Variants in CPNE4 observed in about 807,000 individuals in gnomAD.
CPNE4 encodes copine-4.
In CPNE4, 25 loss-of-function variants were observed where a neutral mutation model predicts 67.9. That is an observed-to-expected ratio of 0.37 (90% CI 0.27 to 0.51). The LOEUF (loss-of-function observed/expected upper bound fraction) is 0.51. CPNE4 is among the 20% of genes least tolerant of loss of function. The pLI is 0.93. For missense variants in CPNE4, 464 were observed against 690.8 expected (o/e 0.67, Z 3.68); for synonymous variants, 242 against 244.9 (o/e 0.99, Z 0.11).
At chr3:131,659,581 T>G (rs2080071160) in intron 7 of CPNE4, among the ~76,000 whole-genome samples, 2 of 152,248 alleles carry the variant, frequency 1.3e-5, no homozygotes, top group South Asian at 4.2e-4. Flanking sequence ...TTGCAAAGTG[T>G]TTTCCAAAGA....
At chr3:131,890,626 T>C (rs141413507) in intron 2 of CPNE4, among the ~76,000 whole-genome samples, 2 of 152,194 alleles carry the variant, frequency 1.3e-5, no homozygotes, top group East Asian at 3.9e-4. Context: ...ATCAGGCTCT[T>C]GAAGAAATAC....
At chr3:131,807,377 T>A (rs1010486005) in intron 2 of CPNE4, among the ~76,000 whole-genome samples, 2 of 152,218 alleles carry the variant, frequency 1.3e-5, no homozygotes, top group African/African-American at 4.8e-5. Context: ...TTATACTTTT[T>A]AAAAAACATT....
chr3:131,560,099 TG>T (rs1936682849), intron 11 of CPNE4, among the ~76,000 whole-genome samples: 1 of 152,060 alleles, frequency 6.6e-6, no homozygotes, highest in Non-Finnish European at 1.5e-5. Flanking sequence ...AGATCATTTT[TG>T]AAACATAAAT....
rs117081931 is a variant in CPNE4 at position 131,694,471 on chromosome 3, C to T, written c.507+2071G>A. On this transcript the variant is annotated intron_variant, in intron 5 of 15. Coordinates refer to ENST00000429747, the MANE Select transcript of CPNE4 (RefSeq NM_130808.3). ...AGTTCATAGTCCACATGCTTTTTCT[C>T]CAGTATGATTTTGCCACTGCCCTAA... 2.2e-4 allele frequency among the ~76,000 whole-genome samples: 33 copies of T among 152,174 alleles called. No individual in the cohort carries two copies. In the East Asian group the frequency reaches 6.0e-3, roughly 28 times the overall value.
intron 2 of CPNE4, among the ~76,000 whole-genome samples, chr3:131,803,159 A>T (rs1345554885): frequency 6.6e-6 from 1 of 152,234 alleles, no homozygotes; most frequent in Non-Finnish European, 1.5e-5. Context: ...ACCATTAGCC[A>T]GGTGGATAAC....
rs940678606 is a variant in CPNE4, at chr3:131,977,560, G to A, written c.-2+57007C>T. Among the ~76,000 whole-genome samples, 15 of 151,798 alleles carry A rather than the reference G, an allele frequency of 9.9e-5. No homozygotes were observed. In the South Asian group the frequency reaches 1.9e-3, roughly 19 times the overall value. On this transcript the variant is annotated intron_variant, in intron 1 of 15. Coordinates refer to ENST00000429747, the MANE Select transcript of CPNE4 (RefSeq NM_130808.3). ...CCATACCATGCAAACACACACACAC[G>A]CACATACATATACACCCAAACACAA... is the stretch of plus-strand genomic sequence containing the variant.
intron 1 of CPNE4, among the ~76,000 whole-genome samples, chr3:132,027,974 G>T (rs2074151191): frequency 6.6e-6 from 1 of 151,996 alleles, no homozygotes; most frequent in Non-Finnish European, 1.5e-5. Flanking sequence ...AATGGTAAAG[G>T]TTCTTGGTTA....
chr3:131,893,399 C>T (rs1334403569), intron 2 of CPNE4, among the ~76,000 whole-genome samples: 1 of 151,954 alleles, frequency 6.6e-6, no homozygotes, highest in African/African-American at 2.4e-5. Flanking sequence ...ACCCAACTTT[C>T]AATAATGTAC....
At chr3:131,979,438 T>C (rs1292856859) in intron 1 of CPNE4, among the ~76,000 whole-genome samples, 1 of 152,162 alleles carries the variant, frequency 6.6e-6, no homozygotes. Flanking sequence ...TTATGTAATG[T>C]CCCTCTTCAT....
chr3:131,814,761 C>T (rs1462676710), intron 2 of CPNE4, among the ~76,000 whole-genome samples: 3 of 144,584 alleles, frequency 2.1e-5, no homozygotes, highest in Non-Finnish European at 4.5e-5. Flanking sequence ...CCCGCCACTA[C>T]GCCCGGCTAA....
intron 3 of CPNE4, among the ~76,000 whole-genome samples, chr3:131,713,466 T>C (rs893023678): frequency 6.6e-6 from 1 of 151,556 alleles, no homozygotes; most frequent in Admixed American, 6.6e-5. Context: ...TGAAAAGAAA[T>C]GAGAATGTGT....
At chr3:131,536,032 A>G (rs141605422) in intron 15 of CPNE4, among the ~76,000 whole-genome samples, 233 of 152,270 alleles carry the variant, frequency 1.5e-3, no homozygotes, top group African/African-American at 5.3e-3. Context: ...GGGGAATGGC[A>G]TTTGACCATC....
At chr3:131,871,178 A>G (rs929609992) in intron 2 of CPNE4, among the ~76,000 whole-genome samples, 2 of 152,128 alleles carry the variant, frequency 1.3e-5, no homozygotes, top group African/African-American at 4.8e-5. Context: ...AAACAGAAAA[A>G]CATTTATGAC....
intron 3 of CPNE4, among the ~76,000 whole-genome samples, chr3:131,718,883 AAAG>A (rs1372857039): frequency 6.6e-6 from 1 of 152,224 alleles, no homozygotes; most frequent in African/African-American, 2.4e-5. Flanking sequence ...TATGTCATTA[AAAG>A]AAGAAATAAA....
At chr3:131,678,572 T>C (rs2080647232) in intron 6 of CPNE4, among the ~76,000 whole-genome samples, 1 of 152,310 alleles carries the variant, frequency 6.6e-6, no homozygotes. Flanking sequence ...GTCTGTGGGT[T>C]TGTCATATAT....
chr3:131,916,897 G>T (rs139621229), intron 1 of CPNE4, among the ~76,000 whole-genome samples: 1 of 152,284 alleles, frequency 6.6e-6, no homozygotes, highest in East Asian at 1.9e-4. Flanking sequence ...AGCAACTCAT[G>T]AAAACAGGAC....
At chr3:131,540,503 G>T (rs1257676563) in intron 15 of CPNE4, among the ~76,000 whole-genome samples, 1 of 152,182 alleles carries the variant, frequency 6.6e-6, no homozygotes, top group African/African-American at 2.4e-5. Context: ...ACTAGGACTG[G>T]TACCAGGATT....
At position 131,769,841 on chromosome 3, in the gene CPNE4, T is replaced by C. The variant is rs76188306; in HGVS notation, c.181-46216A>G. Reference sequence around the variant, plus strand: ...TTGAAATAGCCCGCTATAAGTCAAATAATAGGAGCTGTATTATGAGAAGAA... The same window carrying C: ...TTGAAATAGCCCGCTATAAGTCAAACAATAGGAGCTGTATTATGAGAAGAA... On this transcript the variant is annotated intron_variant, in intron 2 of 15. Coordinates refer to ENST00000429747, the MANE Select transcript of CPNE4 (RefSeq NM_130808.3). Among the ~76,000 whole-genome samples the C allele has an allele frequency of 8.8e-3, 1,335 of 152,238 alleles. 16 individuals are homozygous for C. Among genetic ancestry groups the C allele is most frequent in the African/African-American group, 0.031 (1,276 of 41,536 alleles).
At position 131,697,468 on chromosome 3, in the gene CPNE4, C is replaced by T. The variant is rs544074188; in HGVS notation, c.433-852G>A. Among the ~76,000 whole-genome samples, 6 of 152,338 alleles carry T rather than the reference C, an allele frequency of 3.9e-5. No individual in the cohort carries two copies. The South Asian group carries it at 1.2e-3, about 32-fold the overall frequency. On this transcript the variant is annotated intron_variant, in intron 4 of 15. Coordinates refer to ENST00000429747, the MANE Select transcript of CPNE4 (RefSeq NM_130808.3). ...TAATTCAGTTTTACCTCTTTTCTAT[C>T]TGAGCTCAACAATTCCATTATGAGT...
Sources: allele counts gnomAD v4.1 joint callset (sites outside exome capture counted in the v4.1 genomes callset), GRCh38; gene constraint gnomAD v4.1.1; transcripts MANE v1.5; gene names NCBI Gene and HGNC (gene_info 2026-07-23, HGNC 2026-07-21).